Variants in PID1 observed in about 807,000 individuals in gnomAD.
The protein encoded by PID1 is PTB-containing, cubilin and LRP1-interacting protein.
A neutral mutation model predicts 19.1 loss-of-function variants in PID1; 10 were observed. The observed-to-expected ratio is 0.52, with a 90% CI of 0.32 to 0.89. PID1 has a LOEUF of 0.89. Among genes scored for constraint, PID1 ranks in the 40% least tolerant of loss-of-function variants. The probability of loss-of-function intolerance (pLI) is 0.03; values close to 1 mark genes in which losing one functional copy is unlikely to be tolerated. For synonymous variants in PID1, 130 were observed against 116.0 expected (o/e 1.12, Z -0.78); for missense variants, 248 against 285.3 (o/e 0.87, Z 0.94).
chr2:229,079,251 T>A (rs1694623828), intron 2 of PID1, among the ~76,000 whole-genome samples: 1 of 152,226 alleles, frequency 6.6e-6, no homozygotes, highest in Non-Finnish European at 1.5e-5. Context: ...AAAGCCTCTT[T>A]GGGACCTCCT....
intron 2 of PID1, among the ~76,000 whole-genome samples, chr2:229,144,877 T>C (rs952418157): frequency 2.0e-5 from 3 of 152,058 alleles, no homozygotes; most frequent in Admixed American, 1.3e-4. Flanking sequence ...CTGCAAGTAT[T>C]GCTTTGATAC....
chr2:229,032,344 G>A (rs1271816071), intron 2 of PID1, among the ~76,000 whole-genome samples: 1 of 152,180 alleles, frequency 6.6e-6, no homozygotes, highest in Non-Finnish European at 1.5e-5. Context: ...CAATGTGCAA[G>A]GCTGCTTCTG....
intron 2 of PID1, among the ~76,000 whole-genome samples, chr2:229,121,655 T>C (rs978448264): frequency 3.9e-5 from 6 of 152,194 alleles, no homozygotes; most frequent in African/African-American, 1.4e-4. Context: ...TTGCTATGTA[T>C]TCTGTCGGGC....
chr2:229,197,402 G>C (rs1319773020), intron 1 of PID1, among the ~76,000 whole-genome samples: 2 of 151,776 alleles, frequency 1.3e-5, no homozygotes, highest in Non-Finnish European at 2.9e-5. Context: ...AGTACCACTG[G>C]GCATTATCAT....
intron 2 of PID1, among the ~76,000 whole-genome samples, chr2:229,041,308 C>A (rs1266808577): frequency 6.6e-6 from 1 of 152,150 alleles, no homozygotes; most frequent in Non-Finnish European, 1.5e-5. Context: ...ACGACAGAGG[C>A]ACTTGAAGGG....
intron 2 of PID1, among the ~76,000 whole-genome samples, chr2:229,026,624 G>A (rs564075937): frequency 2.6e-5 from 4 of 152,304 alleles, no homozygotes; most frequent in East Asian, 1.9e-4. Flanking sequence ...TGCCAAGGAC[G>A]CAAAAACTGT....
chr2:229,204,836 C>T (rs574358485), intron 1 of PID1, among the ~76,000 whole-genome samples: 75 of 152,130 alleles, frequency 4.9e-4, no homozygotes, highest in African/African-American at 1.1e-3. Flanking sequence ...TGTTATTAAA[C>T]GAATATATAT....
intron 1 of PID1, among the ~76,000 whole-genome samples, chr2:229,231,599 C>A (rs555799869): frequency 2.0e-4 from 31 of 152,254 alleles, no homozygotes; most frequent in African/African-American, 7.0e-4. Context: ...TGTCCAAGAT[C>A]ACTCCACTGA....
intron 1 of PID1, among the ~76,000 whole-genome samples, chr2:229,183,542 G>A (rs1690991565): frequency 6.6e-6 from 1 of 152,126 alleles, no homozygotes; most frequent in Non-Finnish European, 1.5e-5. Context: ...ATTAGTTGAA[G>A]GCCTAAATAA....
intron 1 of PID1, among the ~76,000 whole-genome samples, chr2:229,269,144 C>T (rs1286566613): frequency 6.6e-6 from 1 of 150,730 alleles, no homozygotes; most frequent in African/African-American, 2.4e-5. Flanking sequence ...TAAGGACCTT[C>T]CAACAGTGAC....
intron 2 of PID1, among the ~76,000 whole-genome samples, chr2:229,092,145 C>T (rs1412726472): frequency 1.8e-5 from 2 of 112,766 alleles, no homozygotes; most frequent in Non-Finnish European, 3.4e-5. Context: ...GTGTTTCCTA[C>T]TTGTCTTGGG....
At chr2:229,180,759 ATCAAC>A (rs1690923060) in intron 1 of PID1, among the ~76,000 whole-genome samples, 2 of 152,194 alleles carry the variant, frequency 1.3e-5, no homozygotes, top group South Asian at 4.1e-4. Context: ...TTCGTATGCC[ATCAAC>A]TCCACTACGC....
At chr2:229,114,758 AATT>A (rs1695376829) in intron 2 of PID1, among the ~76,000 whole-genome samples, 1 of 152,146 alleles carries the variant, frequency 6.6e-6, no homozygotes, top group African/African-American at 2.4e-5. Flanking sequence ...CTTGTTTTAT[AATT>A]ATTTATATAC....
chr2:229,121,120 C>T (rs1695509378), intron 2 of PID1, among the ~76,000 whole-genome samples: 1 of 152,116 alleles, frequency 6.6e-6, no homozygotes, highest in Admixed American at 6.6e-5. Flanking sequence ...TGGACTAACA[C>T]AATGATATAT....
rs531139196 is a variant in PID1, at chr2:229,130,309, G to A, written c.177+25509C>T. ...GCAGGCAGAACTTTCACTGCAGAACGTGCAAGTCCCAGCGCTTCTCAGAGA... is the reference window on the plus strand; with the variant it reads ...GCAGGCAGAACTTTCACTGCAGAACATGCAAGTCCCAGCGCTTCTCAGAGA... On this transcript the variant is annotated intron_variant, in intron 2 of 2. Transcript: ENST00000392055. Among the ~76,000 whole-genome samples, 8 of 152,266 alleles carry A rather than the reference G, an allele frequency of 5.3e-5. No individual in the cohort carries two copies. The South Asian group carries it at 1.2e-3, about 24-fold the overall frequency.
chr2:229,206,256 C>CA (rs112203989), intron 1 of PID1, among the ~76,000 whole-genome samples: 4,441 of 131,216 alleles, frequency 0.034, 79 homozygotes, highest in African/African-American at 0.066. Flanking sequence ...AGTATAAGTA[C>CA]AAAAAAAAAA....
At chr2:229,172,727 G>GT (rs1470852914) in intron 1 of PID1, among the ~76,000 whole-genome samples, 2 of 151,978 alleles carry the variant, frequency 1.3e-5, no homozygotes, top group Non-Finnish European at 2.9e-5. Context: ...TATTTTGTTT[G>GT]TTTTTGTTTT....
intron 2 of PID1, among the ~76,000 whole-genome samples, chr2:229,052,916 C>T (rs1370959907): frequency 2.6e-5 from 4 of 152,084 alleles, no homozygotes; most frequent in Admixed American, 6.6e-5. Context: ...TAAAAAGCTC[C>T]AACACTAAAA....
chr2:229,107,357 G>A (rs1312879384), intron 2 of PID1, among the ~76,000 whole-genome samples: 1 of 152,010 alleles, frequency 6.6e-6, no homozygotes, highest in Non-Finnish European at 1.5e-5. Flanking sequence ...TTAATCTCCA[G>A]GTACAAGGAT....
Sources: allele counts gnomAD v4.1 joint callset (sites outside exome capture counted in the v4.1 genomes callset), GRCh38; gene constraint gnomAD v4.1.1; transcripts MANE v1.5; gene names NCBI Gene and HGNC (gene_info 2026-07-23, HGNC 2026-07-21).